The following RIMS2 variants were observed in gnomAD, a reference collection of about 807,000 sequenced individuals.
The protein encoded by RIMS2 is regulating synaptic membrane exocytosis 2.
Under a neutral mutation model 174.4 loss-of-function variants are expected in RIMS2, and 59 were observed. The ratio of observed to expected loss-of-function variants is 0.34; its 90% CI spans 0.27 to 0.42. The LOEUF (loss-of-function observed/expected upper bound fraction) is 0.42. Ranked by LOEUF, RIMS2 falls within the 10% of genes least tolerant of loss-of-function variation. The pLI, the probability that RIMS2 is intolerant of heterozygous loss-of-function variation, is 1.00. For synonymous variants in RIMS2, 606 were observed against 572.5 expected (o/e 1.06, Z -0.84); for missense variants, 1,620 against 1,666.3 (o/e 0.97, Z 0.48).
chr8:103,710,143 A>G (rs948935896), intron 2 of RIMS2, among the ~76,000 whole-genome samples: 1 of 152,208 alleles, frequency 6.6e-6, no homozygotes, highest in African/African-American at 2.4e-5. Flanking sequence ...TTGATTTTTC[A>G]TAGCCCAAAA....
At chr8:103,954,738 G>C (rs531120429) in intron 14 of RIMS2, among the ~76,000 whole-genome samples, 1 of 152,078 alleles carries the variant, frequency 6.6e-6, no homozygotes, top group Non-Finnish European at 1.5e-5. Flanking sequence ...CAGAAGACAA[G>C]AAATAACTGA....
At chr8:104,119,595 T>C (rs2098339646) in intron 19 of RIMS2, among the ~76,000 whole-genome samples, 1 of 152,226 alleles carries the variant, frequency 6.6e-6, no homozygotes, top group Non-Finnish European at 1.5e-5. Flanking sequence ...GTCAAAAATA[T>C]GGTATTTACT....
At chr8:103,676,215 G>A (rs2096808646) in intron 1 of RIMS2, among the ~76,000 whole-genome samples, 2 of 104,284 alleles carry the variant, frequency 1.9e-5, no homozygotes, top group Admixed American at 2.2e-4. Context: ...CCTTATAGAT[G>A]TAAACTTTTT....
chr8:103,575,671 TACAC>T (rs750157720), intron 1 of RIMS2, among the ~76,000 whole-genome samples: 12 of 117,306 alleles, frequency 1.0e-4, no homozygotes, highest in East Asian at 7.9e-4. Context: ...AACACACACA[TACAC>T]ACACACACAC....
At chr8:104,080,946 A>T (rs1014902995) in intron 19 of RIMS2, among the ~76,000 whole-genome samples, 2 of 152,066 alleles carry the variant, frequency 1.3e-5, no homozygotes, top group Non-Finnish European at 2.9e-5. Context: ...AACTTCAGAG[A>T]GTGGAAACAT....
rs140477830 is a variant in RIMS2, at chr8:103,915,274, T to G, written c.1813-221T>G. ...TAAGTTATGCAACACTTCAGCAAATTATGGATTAAATGGCAAAACAGTTGG... is the reference window on the plus strand; with the variant it reads ...TAAGTTATGCAACACTTCAGCAAATGATGGATTAAATGGCAAAACAGTTGG... On this transcript the variant is annotated intron_variant, in intron 6 of 23. Transcript: ENST00000504942. Among the ~76,000 whole-genome samples the G allele has an allele frequency of 4.7e-3, 709 of 152,194 alleles. 10 individuals are homozygous for G. The highest frequency in any genetic ancestry group is 0.015 in the African/African-American group (614 of 41,560).
chr8:104,097,276 A>T (rs1214559246), intron 19 of RIMS2, among the ~76,000 whole-genome samples: 1 of 152,160 alleles, frequency 6.6e-6, no homozygotes, highest in African/African-American at 2.4e-5. Context: ...TTTTATAGAC[A>T]CCTTATACAC....
intron 3 of RIMS2, among the ~76,000 whole-genome samples, chr8:103,836,709 C>A (rs183541962): frequency 2.0e-5 from 3 of 152,288 alleles, no homozygotes; most frequent in Admixed American, 2.0e-4. Context: ...GGACACACTA[C>A]CTTTTCTAGA....
chr8:104,069,042 T>C (rs2097152468), intron 19 of RIMS2, among the ~76,000 whole-genome samples: 1 of 152,230 alleles, frequency 6.6e-6, no homozygotes, highest in Non-Finnish European at 1.5e-5. Flanking sequence ...TTTTTGACTT[T>C]AGGGTAGTGT....
chr8:103,550,271 GCAAT>G (rs1476081251), intron 1 of RIMS2, among the ~76,000 whole-genome samples: 1 of 152,208 alleles, frequency 6.6e-6, no homozygotes, highest in Non-Finnish European at 1.5e-5. Flanking sequence ...AGACCACAGT[GCAAT>G]CAAACTAGAA....
intron 14 of RIMS2, among the ~76,000 whole-genome samples, chr8:103,945,042 G>A (rs2083392121): frequency 6.6e-6 from 1 of 151,790 alleles, no homozygotes; most frequent in Admixed American, 6.6e-5. Flanking sequence ...CCTCCTTAAG[G>A]GTTTTTCTTC....
At chr8:104,010,077 A>T (rs141484580) in intron 17 of RIMS2, among the ~76,000 whole-genome samples, 5 of 152,136 alleles carry the variant, frequency 3.3e-5, no homozygotes, top group African/African-American at 1.2e-4. Flanking sequence ...AAGAGTTCCC[A>T]CTACTAGAGG....
intron 19 of RIMS2, among the ~76,000 whole-genome samples, chr8:104,066,925 C>T (rs572493291): frequency 4.7e-4 from 71 of 151,972 alleles, no homozygotes; most frequent in Non-Finnish European, 8.4e-4. Flanking sequence ...TTTCATTAAA[C>T]GATTTTCCTT....
intron 1 of RIMS2, among the ~76,000 whole-genome samples, chr8:103,556,302 C>G (rs1850423531): frequency 6.6e-6 from 1 of 152,084 alleles, no homozygotes; most frequent in Non-Finnish European, 1.5e-5. Flanking sequence ...TGAATATATA[C>G]AATTTATACT....
At chr8:104,098,520 A>G (rs2097801229) in intron 19 of RIMS2, among the ~76,000 whole-genome samples, 1 of 152,180 alleles carries the variant, frequency 6.6e-6, no homozygotes, top group African/African-American at 2.4e-5. Context: ...CAAACTAAAA[A>G]TCAAGAAATT....
At chr8:104,113,985 A>G (rs2098239061) in intron 19 of RIMS2, among the ~76,000 whole-genome samples, 1 of 152,004 alleles carries the variant, frequency 6.6e-6, no homozygotes, top group Non-Finnish European at 1.5e-5. Flanking sequence ...TCTTTTCATA[A>G]TCTATTTTGT....
chr8:104,220,554 C>A (rs1385076648), intron 19 of RIMS2, among the ~76,000 whole-genome samples: 1 of 151,890 alleles, frequency 6.6e-6, no homozygotes, highest in Non-Finnish European at 1.5e-5. Flanking sequence ...CCCTGAGTGC[C>A]AAAATAAAAG....
intron 1 of RIMS2, among the ~76,000 whole-genome samples, chr8:103,540,632 A>C (rs1842121176): frequency 6.6e-6 from 1 of 152,220 alleles, no homozygotes; most frequent in Non-Finnish European, 1.5e-5. Flanking sequence ...ACACCACCAA[A>C]AGAACATACT....
intron 9 of RIMS2, among the ~76,000 whole-genome samples, chr8:103,918,976 G>A (rs2077111406): frequency 6.6e-6 from 1 of 152,172 alleles, no homozygotes; most frequent in South Asian, 2.1e-4. Flanking sequence ...TTTTTGGAAA[G>A]TGGGATAACA....
Sources: allele counts gnomAD v4.1 joint callset (sites outside exome capture counted in the v4.1 genomes callset), GRCh38; gene constraint gnomAD v4.1.1; transcripts MANE v1.5; gene names NCBI Gene and HGNC (gene_info 2026-07-23, HGNC 2026-07-21).